Variants in C3orf20 observed in about 807,000 individuals in gnomAD.
The protein encoded by C3orf20 is uncharacterized protein C3orf20.
Under a neutral mutation model 88.3 loss-of-function variants are expected in C3orf20, and 76 were observed. The ratio of observed to expected loss-of-function variants is 0.86; its 90% CI spans 0.72 to 1.04. C3orf20 has a LOEUF of 1.04. C3orf20 is among the 50% of genes least tolerant of loss of function. The pLI, the probability that C3orf20 is intolerant of heterozygous loss-of-function variation, is 0.00. For synonymous variants in C3orf20, 436 were observed against 437.4 expected, an observed-to-expected ratio of 1.00 and a Z score of 0.04; for missense variants, 1,056 against 1,123.3, an observed-to-expected ratio of 0.94 and a Z score of 0.86.
At chr3:14,698,455 T>A in intron 5 of C3orf20, among the ~76,000 whole-genome samples, 1 of 152,214 alleles carries the variant, frequency 6.6e-6, no homozygotes, top group Non-Finnish European at 1.5e-5. Context: ...AGGGTTTGGG[T>A]GTTGTGACCT....
intron 4 of C3orf20, among the ~76,000 whole-genome samples, chr3:14,687,808 G>A (rs746461942): frequency 3.9e-5 from 6 of 152,176 alleles, no homozygotes; most frequent in South Asian, 2.1e-4. Flanking sequence ...TGTGGGCTGC[G>A]ATTCATCTAA....
chr3:14,690,652 G>T (rs1275997963), intron 5 of C3orf20, among the ~76,000 whole-genome samples: 1 of 152,240 alleles, frequency 6.6e-6, no homozygotes, highest in African/African-American at 2.4e-5. Flanking sequence ...AGAACAGGTG[G>T]CAGACAAAGA....
In C3orf20 at chr3:14,728,684, TC is replaced by T. The variant is rs772341592; in HGVS notation, c.1938del (p.Arg647GlufsTer41). The T allele has an allele frequency of 6.2e-7, 1 of 1,613,198 alleles. No homozygotes were observed. Among genetic ancestry groups the T allele is most frequent in the Admixed American group, 1.7e-5 (1 of 60,018 alleles). ...AATCCACACCAAAGCCAAGGTCACA[TC>T]CAGGTTGGCTTGGTCCTTCACGTCT... ...TKIHTKAKVTSRGKAREGRSP... is the reference protein window; with the variant it reads ...TKIHTKAKVTXRGKAREGRSP... On this transcript the variant is annotated frameshift_variant, in exon 12 of 17. Transcript: ENST00000253697. LOFTEE classifies it high-confidence loss of function.
intron 13 of C3orf20, among the ~76,000 whole-genome samples, chr3:14,759,313 T>C (rs1244472107): frequency 1.3e-5 from 2 of 152,068 alleles, no homozygotes; most frequent in Non-Finnish European, 2.9e-5. Context: ...AGACAGCACA[T>C]TGGCTGTATT....
intron 12 of C3orf20, among the ~76,000 whole-genome samples, chr3:14,746,295 ACT>A (rs555821800): frequency 4.3e-4 from 65 of 152,210 alleles, no homozygotes; most frequent in Non-Finnish European, 8.2e-4. Context: ...GAACTGGCAA[ACT>A]CTGATTGATG....
chr3:14,712,166 A>ACG (rs2033766402), intron 7 of C3orf20, among the ~76,000 whole-genome samples: 1 of 24,278 alleles, frequency 4.1e-5, no homozygotes, highest in South Asian at 1.3e-3. Context: ...ACACACACGC[A>ACG]CACACACGCG....
At chr3:14,687,777 A>T (rs911728147) in intron 4 of C3orf20, among the ~76,000 whole-genome samples, 1 of 152,212 alleles carries the variant, frequency 6.6e-6, no homozygotes, top group African/African-American at 2.4e-5. Flanking sequence ...TGAGGGAGGC[A>T]CAGTGGCTTC....
intron 10 of C3orf20, among the ~76,000 whole-genome samples, chr3:14,724,731 A>G (rs1355970279): frequency 6.6e-6 from 1 of 152,186 alleles, no homozygotes; most frequent in Non-Finnish European, 1.5e-5. Context: ...ATTAGAATTA[A>G]TTTTCCCTTT....
intron 12 of C3orf20, among the ~76,000 whole-genome samples, chr3:14,730,685 C>A (rs540899393): frequency 3.0e-4 from 46 of 152,122 alleles, no homozygotes; most frequent in Non-Finnish European, 6.0e-4. Flanking sequence ...AAATTGCTGT[C>A]ATTGAGTATG....
chr3:14,720,537 GTT>G (rs1559419301), intron 9 of C3orf20, among the ~76,000 whole-genome samples: 59 of 6,020 alleles, frequency 9.8e-3, no homozygotes, highest in Admixed American at 0.023. Flanking sequence ...GAGAGTGGTT[GTT>G]GTTGTTGTTG....
rs373173440 is a variant in C3orf20 at position 14,734,652 on chromosome 3, G to A, written c.1940+5964G>A. On this transcript the variant is annotated intron_variant, in intron 12 of 16. Transcript: ENST00000253697. ...ATGTTTCATGTGGAGCTAAAATGAT[G>A]CATATTCTGCAGTTTTTTGATACAG... is the stretch of plus-strand genomic sequence containing the variant. Among the ~76,000 whole-genome samples, 9 of 152,174 alleles carry A rather than the reference G, an allele frequency of 5.9e-5. 1 individual carries two copies. In the South Asian group the frequency reaches 1.9e-3, roughly 32 times the overall value.
chr3:14,733,589 T>G (rs1225467401), intron 12 of C3orf20, among the ~76,000 whole-genome samples: 1 of 152,206 alleles, frequency 6.6e-6, no homozygotes, highest in Non-Finnish European at 1.5e-5. Flanking sequence ...TTTTTATTTT[T>G]AGTAGATATA....
intron 15 of C3orf20, among the ~76,000 whole-genome samples, chr3:14,762,623 A>G (rs1377631978): frequency 6.6e-6 from 1 of 152,184 alleles, no homozygotes; most frequent in African/African-American, 2.4e-5. Flanking sequence ...CCACCTTGAG[A>G]GGCTGTGAGG....
Position 14,772,219 on chromosome 3 carries a change from C to T in C3orf20, c.2630+18C>T. On this transcript the variant is annotated intron_variant, in intron 16 of 16. Coordinates refer to ENST00000253697, the MANE Select transcript of C3orf20 (RefSeq NM_032137.5). The surrounding 1 kb of genome is among the most constrained non-coding windows in gnomAD (Gnocchi z 4.2). ...GCTGAGAAGTAGGTGACCACATCAG[C>T]TGCCAGAATGGGCGTGGCTCACAGC... The T allele has an allele frequency of 6.2e-7, 1 of 1,614,190 alleles. No individual in the cohort carries two copies. Among genetic ancestry groups the T allele is most frequent in the Non-Finnish European group, 8.5e-7 (1 of 1,180,028 alleles).
At chr3:14,700,064 CACTGT>C (rs1230368203) in intron 5 of C3orf20, among the ~76,000 whole-genome samples, 5 of 152,212 alleles carry the variant, frequency 3.3e-5, no homozygotes, top group African/African-American at 1.2e-4. Context: ...GTCTGACAAT[CACTGT>C]ACTCTCCCTC....
At chr3:14,726,835 C>T in intron 10 of C3orf20, 66 bp from the exon 11 acceptor site, 1 of 1,607,406 alleles carries the variant, frequency 6.2e-7, no homozygotes. Flanking sequence ...TCTTAGTTAT[C>T]CTGGACTAGG....
chr3:14,706,905 A>G (rs2033527025), intron 7 of C3orf20, among the ~76,000 whole-genome samples: 1 of 152,156 alleles, frequency 6.6e-6, no homozygotes, highest in Admixed American at 6.5e-5. Flanking sequence ...CACTGGGCTC[A>G]GCAGTCGATT....
Position 14,738,611 on chromosome 3 carries a change from A to G in C3orf20, c.1940+9923A>G, listed in dbSNP as rs1233819660. On this transcript the variant is annotated intron_variant, in intron 12 of 16. Coordinates refer to ENST00000253697, the MANE Select transcript of C3orf20 (RefSeq NM_032137.5). The stretch of plus-strand genomic sequence containing the variant: ...CTCCCAAAGTGCTGGGATTACAGGC[A>G]TGAGCCACCATGCCCGGCCTTTTTT... Among the ~76,000 whole-genome samples, 160 of 136,246 alleles carry G rather than the reference A, an allele frequency of 1.2e-3. 2 individuals are homozygous for G. In the East Asian group the frequency reaches 0.033, roughly 28 times the overall value. 89.4% of individuals were successfully genotyped at this position (136,246 alleles called of 152,430 possible). A position where few individuals can be genotyped will look rare whatever the true frequency, so the allele number is the denominator to read the frequency against.
chr3:14,719,574 C>A (rs1238428466), intron 9 of C3orf20, among the ~76,000 whole-genome samples: 1 of 152,138 alleles, frequency 6.6e-6, no homozygotes, highest in Non-Finnish European at 1.5e-5. Flanking sequence ...GCTACTGTGA[C>A]ATGGACCCTG....
Sources: gnomAD v4.1 joint callset for allele counts (sites outside exome capture counted in the v4.1 genomes callset) on GRCh38, gnomAD v4.1.1 for gene constraint, Gnocchi (gnomAD v3.1) non-coding constraint, MANE v1.5 for transcripts, NCBI Gene and HGNC (gene_info 2026-07-23, HGNC 2026-07-21) for gene names.